Variants in CD2AP observed in about 807,000 individuals in gnomAD.
CD2AP encodes the protein CD2 associated protein.
In CD2AP, 46 loss-of-function variants were observed where a neutral mutation model predicts 85.1. The observed-to-expected ratio is 0.54, with a 90% CI of 0.43 to 0.69. The LOEUF (loss-of-function observed/expected upper bound fraction) is 0.69. Among genes scored for constraint, CD2AP ranks in the 30% least tolerant of loss-of-function variants. CD2AP has a pLI of 0.00. For missense variants in CD2AP, 769 were observed against 729.5 expected (o/e 1.05, Z -0.62); for synonymous variants, 255 against 252.9 (o/e 1.01, Z -0.08).
chr6:47,478,121 A>C lies in CD2AP; in HGVS notation c.-124A>C. The C allele has an allele frequency of 7.8e-7, 1 of 1,276,272 alleles. No individual in the cohort carries two copies. The highest frequency in any genetic ancestry group is 1.1e-6 in the Non-Finnish European group (1 of 901,072). 79.1% of individuals were successfully genotyped at this position (1,276,272 alleles called of 1,614,324 possible). On this transcript the variant is annotated 5_prime_UTR_variant, in exon 1 of 18. An upstream open reading frame in the 5' UTR loses its in-frame stop. Coordinates refer to ENST00000359314, the MANE Select transcript of CD2AP (RefSeq NM_012120.3). ...TGGAGGCGACTCTTCGCCCCGCCTGAGCTCAGGAGGGGCTAGCGCGGAGCG... is the reference window on the plus strand; with the variant it reads ...TGGAGGCGACTCTTCGCCCCGCCTGCGCTCAGGAGGGGCTAGCGCGGAGCG...
chr6:47,522,137 C>G (rs1766615035), intron 2 of CD2AP, among the ~76,000 whole-genome samples: 1 of 152,138 alleles, frequency 6.6e-6, no homozygotes, highest in Admixed American at 6.5e-5. Context: ...GTCCGATCAC[C>G]TGAGGAGGCT....
intron 11 of CD2AP, among the ~76,000 whole-genome samples, chr6:47,591,153 C>T (rs6907011): frequency 0.32 from 48,256 of 152,052 alleles, 8,724 homozygotes; most frequent in Middle Eastern, 0.52. Flanking sequence ...GAGCTACACA[C>T]AGCAAAATGA....
intron 2 of CD2AP, among the ~76,000 whole-genome samples, chr6:47,529,524 C>T (rs560854353): frequency 6.6e-6 from 1 of 152,228 alleles, no homozygotes; most frequent in African/African-American, 2.4e-5. Context: ...GCTCTGGCCA[C>T]TGGAAACCCT....
At chr6:47,532,328 G>A (rs928436626) in intron 2 of CD2AP, among the ~76,000 whole-genome samples, 3 of 149,546 alleles carry the variant, frequency 2.0e-5, no homozygotes, top group African/African-American at 7.4e-5. Context: ...GGGTAACAGA[G>A]GGAGACCTTG....
At chr6:47,489,968 T>C (rs1208027690) in intron 1 of CD2AP, among the ~76,000 whole-genome samples, 2 of 33,252 alleles carry the variant, frequency 6.0e-5, no homozygotes, top group Non-Finnish European at 1.4e-4. Context: ...CTAAAGAGAC[T>C]TTTTTTTTTT....
intron 5 of CD2AP, among the ~76,000 whole-genome samples, chr6:47,558,132 T>G (rs1284667213): frequency 6.6e-6 from 1 of 152,094 alleles, no homozygotes; most frequent in Admixed American, 6.6e-5. Flanking sequence ...CTGTTTGTCT[T>G]TTATTGGTGT....
At chr6:47,611,206 A>G (rs1311985577) in intron 16 of CD2AP, among the ~76,000 whole-genome samples, 1 of 151,342 alleles carries the variant, frequency 6.6e-6, no homozygotes, top group African/African-American at 2.4e-5. Context: ...TAATCTAAAC[A>G]TTGAGAGGAG....
Position 47,549,803 on chromosome 6 carries a change from C to T in CD2AP, c.421-4843C>T, listed in dbSNP as rs558449546. Among the ~76,000 whole-genome samples the T allele has an allele frequency of 8.5e-5, 13 of 152,250 alleles. 1 individual carries two copies. Among genetic ancestry groups the T allele is most frequent in the African/African-American group, 3.1e-4 (13 of 41,556 alleles). The stretch of plus-strand genomic sequence containing the variant: ...CTGGAGACCTCACATTACCTGATTT[C>T]AAATTATACTATAAGGCCACAGTCA... On this transcript the variant is annotated intron_variant, in intron 4 of 17. Transcript: ENST00000359314.
At chr6:47,559,245 C>G (rs2114071095) in intron 5 of CD2AP, among the ~76,000 whole-genome samples, 1 of 149,318 alleles carries the variant, frequency 6.7e-6, no homozygotes, top group South Asian at 2.1e-4. Flanking sequence ...AACGGTCTCT[C>G]TGTTTCGTGC....
intron 11 of CD2AP, among the ~76,000 whole-genome samples, chr6:47,585,665 C>A (rs10948366): frequency 0.34 from 51,668 of 151,896 alleles, 9,545 homozygotes; most frequent in Middle Eastern, 0.52. Context: ...AACTGCACAG[C>A]GAGTACTCAG....
chr6:47,512,885 A>G (rs1176775767), intron 2 of CD2AP, among the ~76,000 whole-genome samples: 1 of 152,240 alleles, frequency 6.6e-6, no homozygotes, highest in Non-Finnish European at 1.5e-5. Flanking sequence ...AGACACTTAC[A>G]TAATTGTTTC....
chr6:47,599,885 A>G (rs1186885808), intron 13 of CD2AP, among the ~76,000 whole-genome samples: 2 of 151,966 alleles, frequency 1.3e-5, no homozygotes, highest in South Asian at 2.1e-4. Flanking sequence ...GGAGGAAAAT[A>G]TGCTTTTTCT....
intron 3 of CD2AP, among the ~76,000 whole-genome samples, chr6:47,542,358 A>G (rs906588614): frequency 6.6e-6 from 1 of 152,178 alleles, no homozygotes; most frequent in Non-Finnish European, 1.5e-5. Flanking sequence ...TTAGACCTAG[A>G]TATTTGTTTA....
chr6:47,557,452 GT>G (rs1385570869), intron 5 of CD2AP, among the ~76,000 whole-genome samples: 1 of 152,102 alleles, frequency 6.6e-6, no homozygotes, highest in African/African-American at 2.4e-5. Flanking sequence ...GGTTTTTATG[GT>G]TTTAGGTCTT....
intron 5 of CD2AP, among the ~76,000 whole-genome samples, chr6:47,571,499 T>G (rs550400507): frequency 4.5e-4 from 69 of 152,262 alleles, no homozygotes; most frequent in African/African-American, 1.6e-3. Flanking sequence ...GCTATGGTTT[T>G]GTTGAGGATT....
intron 13 of CD2AP, among the ~76,000 whole-genome samples, chr6:47,600,242 G>A (rs1043765773): frequency 6.6e-6 from 1 of 151,634 alleles, no homozygotes; most frequent in Non-Finnish European, 1.5e-5. Flanking sequence ...CATTAAATAA[G>A]CACTATCACA....
chr6:47,546,673 C>T (rs992742191), intron 4 of CD2AP, among the ~76,000 whole-genome samples: 5 of 151,866 alleles, frequency 3.3e-5, no homozygotes, highest in Non-Finnish European at 5.9e-5. Context: ...ATAGGAAGTT[C>T]AAAGGACACC....
At chr6:47,522,631 C>T (rs1440950009) in intron 2 of CD2AP, among the ~76,000 whole-genome samples, 1 of 152,012 alleles carries the variant, frequency 6.6e-6, no homozygotes, top group Admixed American at 6.6e-5. Flanking sequence ...AAAAATTACC[C>T]AGTAAGTTTT....
At chr6:47,584,052 T>C (rs1345025280) in intron 11 of CD2AP, among the ~76,000 whole-genome samples, 2 of 152,238 alleles carry the variant, frequency 1.3e-5, no homozygotes, top group African/African-American at 4.8e-5. Flanking sequence ...TTGTCATTTG[T>C]ATATCTTTGG....
Sources: allele counts gnomAD v4.1 joint callset (sites outside exome capture counted in the v4.1 genomes callset), GRCh38; gene constraint gnomAD v4.1.1; transcripts MANE v1.5; gene names NCBI Gene and HGNC (gene_info 2026-07-23, HGNC 2026-07-21).